GFPT1: variants seen among roughly 807,000 people sequenced by gnomAD.
The protein encoded by GFPT1 is glutamine--fructose-6-phosphate transaminase 1.
A neutral mutation model predicts 92.0 loss-of-function variants in GFPT1; 40 were observed. The ratio of observed to expected loss-of-function variants is 0.43; its 90% CI spans 0.34 to 0.57. The LOEUF (loss-of-function observed/expected upper bound fraction) is 0.57, where lower values mean the gene tolerates loss of function less well. Among genes scored for constraint, GFPT1 ranks in the 20% least tolerant of loss-of-function variants. GFPT1 has a pLI of 0.02. For synonymous variants in GFPT1, 269 were observed against 280.6 expected, an observed-to-expected ratio of 0.96 and a Z score of 0.41; for missense variants, 448 against 869.1, an observed-to-expected ratio of 0.52 and a Z score of 6.09.
chr2:69,386,663 T>G (rs923430598), intron 1 of GFPT1, among the ~76,000 whole-genome samples: 45 of 152,178 alleles, frequency 3.0e-4, no homozygotes, highest in Admixed American at 1.2e-3. Flanking sequence ...GCAAGGTAAG[T>G]TCAAGAGACC....
chr2:69,376,919 G>A (rs947540999), intron 1 of GFPT1, among the ~76,000 whole-genome samples: 5 of 151,854 alleles, frequency 3.3e-5, no homozygotes, highest in Non-Finnish European at 5.9e-5. Context: ...TTTTTTTAAA[G>A]ATTAATGCGG....
chr2:69,357,665 A>T (rs189926252), intron 6 of GFPT1, among the ~76,000 whole-genome samples: 4 of 152,312 alleles, frequency 2.6e-5, no homozygotes, highest in Admixed American at 2.0e-4. Flanking sequence ...AAGGACTTTT[A>T]AGTGGGAAAG....
chr2:69,346,043 A>G (rs1165104036), intron 11 of GFPT1, 44 bp from the exon 12 acceptor site: 1 of 1,074,952 alleles, frequency 9.3e-7, no homozygotes, highest in South Asian at 1.3e-5. Flanking sequence ...AACAAATCAA[A>G]TAAAAGAATT....
At chr2:69,326,742 G>A (rs192978254) in intron 19 of GFPT1, among the ~76,000 whole-genome samples, 172 bp downstream of exon 19, 2 of 152,296 alleles carry the variant, frequency 1.3e-5, no homozygotes, top group Admixed American at 1.3e-4. Flanking sequence ...AGTTCTATGG[G>A]TAAGAAGATG....
At position 69,324,349 on chromosome 2, in the gene GFPT1, C is replaced by T. The variant is rs997457328; in HGVS notation, c.*1840G>A. 1 of 152,090 alleles carries T rather than the reference C, an allele frequency of 6.6e-6. No homozygotes were observed. Among genetic ancestry groups the T allele is most frequent in the Non-Finnish European group, 1.5e-5 (1 of 68,020 alleles). 9.4% of individuals were successfully genotyped at this position (152,090 alleles called of 1,614,324 possible). A position where few individuals can be genotyped will look rare whatever the true frequency, so the allele number is the denominator to read the frequency against. The stretch of plus-strand genomic sequence containing the variant: ...AACTATAAGAAATGCTACAAACCCA[C>T]ACAAATTGTGTTTGTAAAACGTTAA... On this transcript the variant is annotated 3_prime_UTR_variant, in exon 20 of 20. Coordinates refer to ENST00000357308, the MANE Select transcript of GFPT1 (RefSeq NM_001244710.2).
chr2:69,328,701 C>CAT (rs1670589346), intron 17 of GFPT1, among the ~76,000 whole-genome samples: 1 of 136,214 alleles, frequency 7.3e-6, no homozygotes, highest in Non-Finnish European at 1.5e-5. Flanking sequence ...CTGGTTAACC[C>CAT]TTTTTTTTTT....
intron 1 of GFPT1, among the ~76,000 whole-genome samples, chr2:69,378,226 G>C (rs1014289693): frequency 1.3e-5 from 2 of 152,070 alleles, no homozygotes; most frequent in African/African-American, 4.8e-5. Flanking sequence ...GGCTGGTCTC[G>C]AACTCCTGAC....
At chr2:69,340,962 A>T (rs1045053575) in intron 13 of GFPT1, among the ~76,000 whole-genome samples, 7 of 145,026 alleles carry the variant, frequency 4.8e-5, no homozygotes, top group African/African-American at 1.3e-4. Flanking sequence ...CGTGTTCAAA[A>T]TTTTTTTTTT....
intron 12 of GFPT1, among the ~76,000 whole-genome samples, chr2:69,344,186 C>CAAAAAAAAAAAAAAAAAAAA (rs10602884): frequency 1.6e-5 from 1 of 64,498 alleles, no homozygotes; most frequent in African/African-American, 6.5e-5. Context: ...AAAAGCAAAG[C>CAAAAAAAAAAAAAAAAAAAA]AAAAAAAAAA....
At chr2:69,341,853 G>A (rs1210461301) in intron 13 of GFPT1, among the ~76,000 whole-genome samples, 1 of 152,160 alleles carries the variant, frequency 6.6e-6, no homozygotes, top group Admixed American at 6.5e-5. Flanking sequence ...TACACATGTA[G>A]GCAAGCTCCC....
intron 3 of GFPT1, among the ~76,000 whole-genome samples, chr2:69,364,604 T>C (rs1195673316): frequency 1.3e-5 from 2 of 152,216 alleles, no homozygotes; most frequent in Non-Finnish European, 2.9e-5. Context: ...AACTATGGAG[T>C]GCCTCCAAAA....
intron 7 of GFPT1, among the ~76,000 whole-genome samples, chr2:69,355,155 G>T (rs1558757368): frequency 6.6e-6 from 1 of 152,150 alleles, no homozygotes; most frequent in African/African-American, 2.4e-5. Flanking sequence ...ACAGCTCACT[G>T]CAGCCTTGAC....
At chr2:69,326,778 C>A in intron 19 of GFPT1, 136 bp downstream of exon 19, 1 of 849,008 alleles carries the variant, frequency 1.2e-6, no homozygotes, top group Non-Finnish European at 1.9e-6. Context: ...CAAATTGGGC[C>A]ATGAAAATAT....
intron 18 of GFPT1, among the ~76,000 whole-genome samples, chr2:69,327,310 C>T (rs537096880): frequency 4.6e-5 from 7 of 152,304 alleles, no homozygotes; most frequent in African/African-American, 1.7e-4. Context: ...AGGCTTAGTA[C>T]TTGACTGCAG....
intron 9 of GFPT1, among the ~76,000 whole-genome samples, chr2:69,350,576 T>C (rs1245274940): frequency 6.6e-6 from 1 of 152,108 alleles, no homozygotes; most frequent in Non-Finnish European, 1.5e-5. Flanking sequence ...CCTATAATTA[T>C]AACAAAATTA....
chr2:69,331,161 T>A (rs1670653629), intron 15 of GFPT1, among the ~76,000 whole-genome samples: 1 of 152,212 alleles, frequency 6.6e-6, no homozygotes, highest in Admixed American at 6.5e-5. Flanking sequence ...GAGAATTATC[T>A]CTTTAGCAAA....
Position 69,337,886 on chromosome 2 carries a change from T to C in GFPT1, c.1482+12A>G. Reference sequence around the variant, plus strand: ...ATTAAATAATCATCAGAGAAATGAGTCAAGAATTTACCTTTGTACTGGCCA... The same window carrying C: ...ATTAAATAATCATCAGAGAAATGAGCCAAGAATTTACCTTTGTACTGGCCA... On this transcript the variant is annotated intron_variant, in intron 15 of 19. Coordinates refer to ENST00000357308, the MANE Select transcript of GFPT1 (RefSeq NM_001244710.2). 6.2e-7 allele frequency: 1 copy of C among 1,608,306 alleles called. No homozygotes were observed. The highest frequency in any genetic ancestry group is 8.5e-7 in the Non-Finnish European group (1 of 1,174,962).
intron 18 of GFPT1, 144 bp downstream of exon 18, chr2:69,328,127 C>A: frequency 8.9e-6 from 5 of 560,026 alleles, no homozygotes; most frequent in Non-Finnish European, 1.7e-5. Flanking sequence ...TCTTAAGTAT[C>A]TGATTCCTCA....
intron 1 of GFPT1, among the ~76,000 whole-genome samples, chr2:69,386,200 G>A (rs1390571673): frequency 6.6e-6 from 1 of 151,756 alleles, no homozygotes; most frequent in Non-Finnish European, 1.5e-5. Flanking sequence ...TAACACTTAG[G>A]TCATAATAAA....
Sources: gnomAD v4.1 joint callset for allele counts (sites outside exome capture counted in the v4.1 genomes callset) on GRCh38, gnomAD v4.1.1 for gene constraint, MANE v1.5 for transcripts, NCBI Gene and HGNC (gene_info 2026-07-23, HGNC 2026-07-21) for gene names.